The following DMD variants were observed in gnomAD, a reference collection of about 807,000 sequenced individuals.
The protein encoded by DMD is dystrophin.
In DMD, 63 loss-of-function variants were observed where a neutral mutation model predicts 330.1. That is an observed-to-expected ratio of 0.19 (90% CI 0.16 to 0.24). The LOEUF (loss-of-function observed/expected upper bound fraction) is 0.24. DMD is among the 10% of genes least tolerant of loss of function. The pLI, the probability that DMD is intolerant of heterozygous loss-of-function variation, is 1.00. For synonymous variants in DMD, 1,223 were observed against 959.8 expected, an observed-to-expected ratio of 1.27 and a Z score of -5.07; for missense variants, 3,344 against 2,684.1, an observed-to-expected ratio of 1.25 and a Z score of -5.43.
Position 33,152,856 on chromosome X carries a change from C to A in DMD, c.31+58426G>T, listed in dbSNP as rs373136736. Among the ~76,000 whole-genome samples the A allele has an allele frequency of 3.5e-4, 39 of 111,015 alleles. 1 individual carries two copies. The South Asian group carries it at 5.2e-3, about 15-fold the overall frequency. ...TCCTCCAATAGACAGTCACTTAAAG[C>A]AAATGTACAAAAAAAATACAATGGA... On this transcript the variant is annotated intron_variant, in intron 1 of 78. Transcript: ENST00000357033.
chrX:32,422,861 G>A (rs1167423873), intron 29 of DMD, among the ~76,000 whole-genome samples: 1 of 110,914 alleles, frequency 9.0e-6, no homozygotes, highest in African/African-American at 3.3e-5. Context: ...AATCTATGAA[G>A]TAGCTTGCAA....
chrX:31,183,754 T>C (rs1219742483), intron 67 of DMD, among the ~76,000 whole-genome samples: 1 of 110,929 alleles, frequency 9.0e-6, no homozygotes, highest in Non-Finnish European at 1.9e-5. Flanking sequence ...CTTTCTTTCA[T>C]CTCAAATCTT....
upstream of DMD, among the ~76,000 whole-genome samples, chrX:33,216,199 C>A (rs2052050018): frequency 8.9e-6 from 1 of 111,897 alleles, no homozygotes; most frequent in Admixed American, 9.5e-5. Context: ...TCTCTGATTT[C>A]TTTCAGCAGT....
chrX:32,440,330 A>C (rs923676090), intron 28 of DMD, among the ~76,000 whole-genome samples: 2 of 111,567 alleles, frequency 1.8e-5, no homozygotes, highest in Non-Finnish European at 3.8e-5. Flanking sequence ...TTCAGGTTTT[A>C]TAATTTCCTT....
chrX:32,626,890 T>C (rs2058378984), intron 11 of DMD, among the ~76,000 whole-genome samples: 1 of 105,412 alleles, frequency 9.5e-6, no homozygotes, highest in South Asian at 3.8e-4. Context: ...ATTGAGGTAA[T>C]GTTTAAGTCC....
chrX:32,582,132 T>A (rs1451536765), intron 13 of DMD, among the ~76,000 whole-genome samples: 1 of 111,311 alleles, frequency 9.0e-6, no homozygotes, highest in Non-Finnish European at 1.9e-5. Context: ...ATATCCACAA[T>A]ACTCCCATTG....
intron 50 of DMD, among the ~76,000 whole-genome samples, chrX:31,819,281 C>T (rs1324547172): frequency 8.9e-6 from 1 of 112,215 alleles, no homozygotes; most frequent in African/African-American, 3.2e-5. Flanking sequence ...ATTCCTCCCC[C>T]AAGTCAGCTT....
intron 1 of DMD, among the ~76,000 whole-genome samples, chrX:33,071,426 A>T (rs1249352338): frequency 9.4e-6 from 1 of 106,720 alleles, no homozygotes; most frequent in Non-Finnish European, 1.9e-5. Flanking sequence ...CCTGATTAAA[A>T]AAAAAAAAAA....
chrX:32,284,271 T>A (rs1439258916), intron 43 of DMD, among the ~76,000 whole-genome samples: 1 of 111,720 alleles, frequency 9.0e-6, no homozygotes, highest in Non-Finnish European at 1.9e-5. Context: ...CTTGACTTAT[T>A]CCCCATTCTT....
chrX:32,622,046 T>G (rs1054720285), intron 11 of DMD, among the ~76,000 whole-genome samples: 2 of 111,440 alleles, frequency 1.8e-5, no homozygotes, highest in African/African-American at 6.5e-5. Context: ...ACCCAAATTC[T>G]GCAGAGACCA....
chrX:33,196,231 G>A (rs1246487849), intron 1 of DMD, among the ~76,000 whole-genome samples: 1 of 111,779 alleles, frequency 8.9e-6, no homozygotes, highest in Admixed American at 9.6e-5. Flanking sequence ...AAAATTACAT[G>A]AACCAAAGTT....
Position 31,396,839 on chromosome X carries a change from G to A in DMD, c.9084+47642C>T, listed in dbSNP as rs188671050. ...CCAGGGTGCTGAAAATTTAGAAAAC[G>A]TAACATCTAATGCAATCAATAAAAT... On this transcript the variant is annotated intron_variant, in intron 60 of 78. Transcript: ENST00000357033. 9.8e-5 allele frequency among the ~76,000 whole-genome samples: 11 copies of A among 111,761 alleles called. No homozygotes were observed. The East Asian group carries it at 2.8e-3, about 29-fold the overall frequency.
intron 61 of DMD, among the ~76,000 whole-genome samples, chrX:31,325,306 A>G (rs1331777349): frequency 9.0e-6 from 1 of 110,685 alleles, no homozygotes; most frequent in African/African-American, 3.3e-5. Flanking sequence ...CTGATTTAAA[A>G]ACATGGGCTA....
intron 71 of DMD, among the ~76,000 whole-genome samples, chrX:31,174,269 A>G (rs753182619): frequency 1.8e-5 from 2 of 111,983 alleles, no homozygotes; most frequent in African/African-American, 6.5e-5. Context: ...GATATCTGAA[A>G]TATTTCTTAG....
At chrX:33,133,549 A>G (rs145730845) in intron 1 of DMD, among the ~76,000 whole-genome samples, 2 of 111,446 alleles carry the variant, frequency 1.8e-5, no homozygotes, top group African/African-American at 6.5e-5. Flanking sequence ...TTATTGCTCA[A>G]TGGAAGTCAA....
At chrX:31,961,740 G>GTTTTTTTTTTTTTTTTTTTTTTTTT (rs59279553) in intron 45 of DMD, among the ~76,000 whole-genome samples, 3 of 75,596 alleles carry the variant, frequency 4.0e-5, no homozygotes, top group Admixed American at 1.5e-4. Flanking sequence ...AAAGGAAGCG[G>GTTTTTTTTTTTTTTTTTTTTTTTTT]TTTTTTTTTT....
At chrX:31,427,060 A>C (rs1391918277) in intron 60 of DMD, among the ~76,000 whole-genome samples, 2 of 112,151 alleles carry the variant, frequency 1.8e-5, no homozygotes, top group Non-Finnish European at 3.8e-5. Flanking sequence ...GACAAATGTA[A>C]AGAGTCAAAA....
intron 2 of DMD, among the ~76,000 whole-genome samples, chrX:32,947,261 C>G (rs1300792578): frequency 8.9e-6 from 1 of 111,981 alleles, no homozygotes; most frequent in Non-Finnish European, 1.9e-5. Context: ...TTAGAAAGCA[C>G]ATACACGAGC....
At chrX:32,191,392 C>T (rs191906368) in intron 44 of DMD, among the ~76,000 whole-genome samples, 7 of 112,198 alleles carry the variant, frequency 6.2e-5, no homozygotes, top group African/African-American at 1.9e-4. Flanking sequence ...TAACTTCCAA[C>T]TTTTCTCTGA....
Sources: gnomAD v4.1 joint callset for allele counts (sites outside exome capture counted in the v4.1 genomes callset) on GRCh38, gnomAD v4.1.1 for gene constraint, MANE v1.5 for transcripts, NCBI Gene and HGNC (gene_info 2026-07-23, HGNC 2026-07-21) for gene names.